PIGY: variants seen among roughly 807,000 people sequenced by gnomAD.
PIGY encodes the protein phosphatidylinositol glycan anchor biosynthesis class Y.
In PIGY, 3 loss-of-function variants were observed where a neutral mutation model predicts 4.1. That is an observed-to-expected ratio of 0.73 (90% CI 0.33 to 1.89). The LOEUF (loss-of-function observed/expected upper bound fraction) is 1.89. Among genes scored for constraint, PIGY ranks in the 40% most tolerant of loss-of-function variants. The probability of loss-of-function intolerance (pLI) is 0.08; values close to 1 mark genes in which losing one functional copy is unlikely to be tolerated. For synonymous variants in PIGY, 33 were observed against 31.4 expected (o/e 1.05, Z -0.18); for missense variants, 78 against 80.3 (o/e 0.97, Z 0.11).
Position 88,521,743 on chromosome 4 carries a change from G to A in PIGY, c.47C>T (p.Ser16Phe). The A allele has an allele frequency of 6.2e-7, 1 of 1,613,740 alleles. No individual in the cohort carries two copies. Among genetic ancestry groups the A allele is most frequent in the South Asian group, 1.1e-5 (1 of 91,062 alleles). The change falls in exon 2 of 2, where the codon TCT becomes TTT. Residue 16 changes from serine (S) to phenylalanine (F), a missense_variant. By Grantham distance (155) the Ser-to-Phe change is radical. Transcript: ENST00000527353. ...PTLTVLIPLV[S>F]LAGLFYSASV... is the part of the protein sequence containing the mutation. ...GGCTGAGTAGAACAGTCCTGCTAAAGAAACCAGTGGAATAAGAACAGTCAA... is the reference window on the plus strand; with the variant it reads ...GGCTGAGTAGAACAGTCCTGCTAAAAAAACCAGTGGAATAAGAACAGTCAA...
At position 88,521,822 on chromosome 4, in the gene PIGY, T is replaced by A; in HGVS notation, c.-33A>T. ...TTCCACTTATTACCTGCCACTGTGT[T>A]TTAAAAGGTATATGGTATTAAGAAA... On this transcript the variant is annotated 5_prime_UTR_variant, in exon 2 of 2. Coordinates refer to ENST00000527353, the MANE Select transcript of PIGY (RefSeq NM_001042616.3). The A allele has an allele frequency of 6.3e-7, 1 of 1,593,636 alleles. No individual in the cohort carries two copies.
In PIGY at chr4:88,521,082, C is replaced by CA. The variant is rs1742359828; in HGVS notation, c.*491dup. 2 of 153,070 alleles carry CA rather than the reference C, an allele frequency of 1.3e-5. No individual in the cohort carries two copies. Among genetic ancestry groups the CA allele is most frequent in the South Asian group, 4.1e-4 (2 of 4,868 alleles). 9.5% of individuals were successfully genotyped at this position (153,070 alleles called of 1,614,324 possible). On this transcript the variant is annotated 3_prime_UTR_variant, in exon 2 of 2. Transcript: ENST00000527353. ...AGAAATGAAGGTAATTTTACAAACT[C>CA]AGTTTTTGTAAGTACATGAAGTTTC... is the stretch of plus-strand genomic sequence containing the variant.
Position 88,523,668 on chromosome 4 carries a change from T to G in PIGY, c.-411A>C. ...GCGGCGCGCGCGTTCCCCGCAGCGC[T>G]GAGGCGAGCCTGCAGCGTGCTCCAC... is the stretch of plus-strand genomic sequence containing the variant. On this transcript the variant is annotated 5_prime_UTR_variant, in exon 1 of 2. Coordinates refer to ENST00000527353, the MANE Select transcript of PIGY (RefSeq NM_001042616.3). 2.0e-6 allele frequency: 3 copies of G among 1,528,168 alleles called. No homozygotes were observed. Among genetic ancestry groups the G allele is most frequent in the Non-Finnish European group, 2.6e-6 (3 of 1,141,360 alleles). The allele number at this position is 1,528,168 out of a possible 1,614,324, so 94.7% of individuals were successfully genotyped here. A position where few individuals can be genotyped will look rare whatever the true frequency, so the allele number is the denominator to read the frequency against.
chr4:88,523,729 C>T lies in PIGY; in HGVS notation c.-472G>A. 1.4e-6 allele frequency: 2 copies of T among 1,415,356 alleles called. No homozygotes were observed. The highest frequency in any genetic ancestry group is 1.8e-6 in the Non-Finnish European group (2 of 1,092,282). 87.7% of individuals were successfully genotyped at this position (1,415,356 alleles called of 1,614,324 possible). A position where few individuals can be genotyped will look rare whatever the true frequency, so the allele number is the denominator to read the frequency against. ...CTGGCAGCCGGAGACCAGGCCTCACCGCAGCCTCGCCACCCGTGGCCGAGC... is the reference window on the plus strand; with the variant it reads ...CTGGCAGCCGGAGACCAGGCCTCACTGCAGCCTCGCCACCCGTGGCCGAGC... On this transcript the variant is annotated 5_prime_UTR_variant, in exon 1 of 2. Transcript: ENST00000527353.
Position 88,521,545 on chromosome 4 carries a change from A to G in PIGY, c.*29T>C, listed in dbSNP as rs763990257. On this transcript the variant is annotated 3_prime_UTR_variant, in exon 2 of 2. Coordinates refer to ENST00000527353, the MANE Select transcript of PIGY (RefSeq NM_001042616.3). ...GATCGATGCCCAAGAGCTATCATTA[A>G]TATATACAGCATATTGACTCTAGTT... is the stretch of plus-strand genomic sequence containing the variant. 3 of 1,546,824 alleles carry G rather than the reference A, an allele frequency of 1.9e-6. No homozygotes were observed. Among genetic ancestry groups the G allele is most frequent in the Non-Finnish European group, 2.7e-6 (3 of 1,120,820 alleles).
chr4:88,523,680 G>A lies in PIGY; in HGVS notation c.-423C>T. On this transcript the variant is annotated 5_prime_UTR_variant, in exon 1 of 2. Coordinates refer to ENST00000527353, the MANE Select transcript of PIGY (RefSeq NM_001042616.3). ...TTCCCCGCAGCGCTGAGGCGAGCCTGCAGCGTGCTCCACTCAGCATGGTCT... is the reference window on the plus strand; with the variant it reads ...TTCCCCGCAGCGCTGAGGCGAGCCTACAGCGTGCTCCACTCAGCATGGTCT... 6.6e-7 allele frequency: 1 copy of A among 1,516,106 alleles called. No individual in the cohort carries two copies. Among genetic ancestry groups the A allele is most frequent in the South Asian group, 1.3e-5 (1 of 79,540 alleles). The allele number at this position is 1,516,106 out of a possible 1,614,324, so 93.9% of individuals were successfully genotyped here.
chr4:88,521,868 T>A lies in PIGY; in HGVS notation c.-79A>T, dbSNP rs541474487. The A allele has an allele frequency of 9.7e-5, 150 of 1,542,700 alleles. No individual in the cohort carries two copies. Among genetic ancestry groups the A allele is most frequent in the East Asian group, 9.3e-4 (38 of 41,068 alleles). On this transcript the variant is annotated 5_prime_UTR_variant, in exon 2 of 2. Coordinates refer to ENST00000527353, the MANE Select transcript of PIGY (RefSeq NM_001042616.3). The stretch of plus-strand genomic sequence containing the variant: ...AGAAAAGTTGGCTGTTGCGTTTTTT[T>A]AATTTTTTTAAATTATGAACTAGCG...
At chr4:88,522,082 A>C in intron 1 of PIGY, 53 bp from the exon 2 acceptor site, 1 of 1,479,862 alleles carries the variant, frequency 6.8e-7, no homozygotes, top group African/African-American at 1.4e-5. Context: ...AAAATGCTTG[A>C]AGAGCCTGAT....
rs377319067 is a variant in PIGY, at chr4:88,521,776, A to G, written c.14T>C (p.Leu5Pro). 1.9e-6 allele frequency: 3 copies of G among 1,611,870 alleles called. No homozygotes were observed. Among genetic ancestry groups the G allele is most frequent in the African/African-American group, 2.7e-5 (2 of 74,902 alleles). ...TGGAATAAGAACAGTCAACGTAGGA[A>G]GAGACAGAAACATTCTTCTCTTCCA... The part of the protein sequence containing the change: MFLS[L>P]PTLTVLIPLV... The change falls in exon 2 of 2, where the codon CTT becomes CCT. Residue 5 changes from leucine to proline, a missense_variant. Leu to Pro is a moderately conservative substitution (Grantham distance 98). Coordinates refer to ENST00000527353, the MANE Select transcript of PIGY (RefSeq NM_001042616.3).
At position 88,521,012 on chromosome 4, in the gene PIGY, GAA is replaced by G. The variant is rs1742358823; in HGVS notation, c.*560_*561del. ...CTGCAAACTGGTTTATTTTTTATAG[GAA>G]AGTGTCAACATGTTTATTGCTAATA... On this transcript the variant is annotated 3_prime_UTR_variant, in exon 2 of 2. Transcript: ENST00000527353. 1.3e-5 allele frequency: 2 copies of G among 152,880 alleles called. No individual in the cohort carries two copies. The highest frequency in any genetic ancestry group is 4.8e-5 in the African/African-American group (2 of 41,450). The allele number at this position is 152,880 out of a possible 1,614,324, so 9.5% of individuals were successfully genotyped here.
In PIGY at chr4:88,521,649, C is replaced by T; in HGVS notation, c.141G>A (p.Leu47=). The part of the protein sequence containing the change: ...TASLCFYSLL[L]PITIPVYVFF... ...ATACATACACTGGTATGGTAATAGG[C>T]AAGAGCAGGCTGTAAAAGCAAAGGC... is the stretch of plus-strand genomic sequence containing the variant. Residue 47 remains leucine (L), a synonymous_variant, in exon 2 of 2, where the codon TTG becomes TTA. Transcript: ENST00000527353. 1.2e-6 allele frequency: 2 copies of T among 1,613,962 alleles called. No individual in the cohort carries two copies. The highest frequency in any genetic ancestry group is 8.5e-7 in the Non-Finnish European group (1 of 1,179,856).
Position 88,523,565 on chromosome 4 carries a change from G to T in PIGY, c.-308C>A. The T allele has an allele frequency of 6.4e-7, 1 of 1,550,726 alleles. No individual in the cohort carries two copies. The highest frequency in any genetic ancestry group is 8.7e-7 in the Non-Finnish European group (1 of 1,146,874). On this transcript the variant is annotated 5_prime_UTR_variant, in exon 1 of 2. Coordinates refer to ENST00000527353, the MANE Select transcript of PIGY (RefSeq NM_001042616.3). ...AGCGCCGGATCGAAGTCGCGGGGCG[G>T]CTCCTCAGTCTTCTTGCCCCGGTCG...
chr4:88,522,490 C>T (rs1034771683), intron 1 of PIGY, among the ~76,000 whole-genome samples: 2 of 152,118 alleles, frequency 1.3e-5, no homozygotes, highest in Non-Finnish European at 2.9e-5. Context: ...GGTGAGAGGG[C>T]AGAAATGAAG....
rs1429083372 is a variant in PIGY, at chr4:88,522,030, C to G, written c.-240-1G>C. Reference sequence around the variant, plus strand: ...CAATTCGTTTGTTGATGCTTCATATCTGAGGTGGAAAAAAAAAGAACAAAA... The same window carrying G: ...CAATTCGTTTGTTGATGCTTCATATGTGAGGTGGAAAAAAAAAGAACAAAA... On this transcript the variant is annotated splice_acceptor_variant, in intron 1 of 1. Transcript: ENST00000527353. LOFTEE classifies it low-confidence loss of function (5UTR_SPLICE). The G allele has an allele frequency of 6.5e-7, 1 of 1,527,852 alleles. No individual in the cohort carries two copies. The highest frequency in any genetic ancestry group is 1.4e-5 in the African/African-American group (1 of 71,542). 94.6% of individuals were successfully genotyped at this position (1,527,852 alleles called of 1,614,324 possible). A position where few individuals can be genotyped will look rare whatever the true frequency, so the allele number is the denominator to read the frequency against.
chr4:88,521,628 A>G lies in PIGY; in HGVS notation c.162T>C (p.Tyr54=), dbSNP rs771281068. 73 of 1,613,894 alleles carry G rather than the reference A, an allele frequency of 4.5e-5. 1 individual carries two copies. The highest frequency in any genetic ancestry group is 5.3e-5 in the Non-Finnish European group (62 of 1,179,878). Residue 54 remains tyrosine, a synonymous_variant, in exon 2 of 2, where the codon TAT becomes TAC. Transcript: ENST00000527353. ...TCCAAGTCCAAAGGTGGAAGAATAC[A>G]TACACTGGTATGGTAATAGGCAAGA... ...SLLLPITIPV[Y]VFFHLWTWMG...
In PIGY at chr4:88,521,647, G is replaced by A. The variant is rs183004338; in HGVS notation, c.143C>T (p.Pro48Leu). 1.8e-4 allele frequency: 293 copies of A among 1,613,986 alleles called. 1 individual carries two copies. In the African/African-American group the frequency reaches 3.6e-3, roughly 20 times the overall value. The change falls in exon 2 of 2, where the codon CCT (proline) becomes CTT (leucine). Residue 48 changes from proline to leucine, a missense_variant. By Grantham distance (98) the Pro-to-Leu change is moderately conservative (BLOSUM62 -3). Coordinates refer to ENST00000527353, the MANE Select transcript of PIGY (RefSeq NM_001042616.3). ...ASLCFYSLLLPITIPVYVFFH... is the reference protein window; with the variant it reads ...ASLCFYSLLLLITIPVYVFFH... ...GAATACATACACTGGTATGGTAATA[G>A]GCAAGAGCAGGCTGTAAAAGCAAAG...
Position 88,521,482 on chromosome 4 carries a change from T to A in PIGY, c.*92A>T. 8.4e-7 allele frequency: 1 copy of A among 1,193,324 alleles called. No homozygotes were observed. Among genetic ancestry groups the A allele is most frequent in the Non-Finnish European group, 1.2e-6 (1 of 840,468 alleles). 73.9% of individuals were successfully genotyped at this position (1,193,324 alleles called of 1,614,324 possible). On this transcript the variant is annotated 3_prime_UTR_variant, in exon 2 of 2. Transcript: ENST00000527353. The stretch of plus-strand genomic sequence containing the variant: ...CTGATATGCGCAAAGCAAAGCCTCT[T>A]TCCCGCAAACTAAATTCCATCCATT...
At chr4:88,522,067 A>G (rs1742390880) in intron 1 of PIGY, 38 bp from the exon 2 acceptor site, 1 of 1,510,002 alleles carries the variant, frequency 6.6e-7, no homozygotes, top group Non-Finnish European at 8.9e-7. Context: ...GAGTTGTGGG[A>G]AAATAAAATG....
Position 88,523,515 on chromosome 4 carries a change from G to A in PIGY, c.-258C>T. On this transcript the variant is annotated 5_prime_UTR_variant, in exon 1 of 2. Transcript: ENST00000527353. The stretch of plus-strand genomic sequence containing the variant: ...CGAGTTACCTGAGCGGCTTCTTGGA[G>A]AGCGGGCACACCAGGAACTCCAGCA... The A allele has an allele frequency of 3.9e-6, 6 of 1,551,302 alleles. No individual in the cohort carries two copies. The highest frequency in any genetic ancestry group is 5.2e-6 in the Non-Finnish European group (6 of 1,146,864).
Sources: gnomAD v4.1 joint callset for allele counts (sites outside exome capture counted in the v4.1 genomes callset) on GRCh38, gnomAD v4.1.1 for gene constraint, MANE v1.5 for transcripts, NCBI Gene and HGNC (gene_info 2026-07-23, HGNC 2026-07-21) for gene names.